The following SLC38A11 variants were observed in gnomAD, a reference collection of about 807,000 sequenced individuals.
SLC38A11 encodes the protein putative sodium-coupled neutral amino acid transporter 11.
A neutral mutation model predicts 49.4 loss-of-function variants in SLC38A11; 51 were observed. The ratio of observed to expected loss-of-function variants is 1.03; its 90% CI spans 0.83 to 1.30. The LOEUF (loss-of-function observed/expected upper bound fraction) is 1.30, where lower values mean the gene tolerates loss of function less well. Ranked by LOEUF, SLC38A11 falls within the 50% of genes most tolerant of loss-of-function variation. The pLI, the probability that SLC38A11 is intolerant of heterozygous loss-of-function variation, is 0.00. For synonymous variants in SLC38A11, 203 were observed against 192.9 expected, an observed-to-expected ratio of 1.05 and a Z score of -0.43; for missense variants, 574 against 556.2, an observed-to-expected ratio of 1.03 and a Z score of -0.32.
At chr2:164,903,732 C>T (rs1041326733) in intron 11 of SLC38A11, among the ~76,000 whole-genome samples, 2 of 152,046 alleles carry the variant, frequency 1.3e-5, no homozygotes, top group African/African-American at 4.8e-5. Context: ...AAAAAGACAA[C>T]AAAATATAGT....
intron 11 of SLC38A11, among the ~76,000 whole-genome samples, chr2:164,899,482 T>C (rs976136228): frequency 2.6e-5 from 4 of 152,136 alleles, no homozygotes; most frequent in East Asian, 1.9e-4. Context: ...GGAAGAGACT[T>C]TCCCCTTGAA....
rs200284770 is a variant in SLC38A11 at position 164,947,117 on chromosome 2, C to CTTTTTTTTTTT, written c.230-1401_230-1391dup. On this transcript the variant is annotated intron_variant, in intron 3 of 11. Transcript: ENST00000685975. ...CCTGGATTCTTGGACTTTTTTATCT[C>CTTTTTTTTTTT]TTTTTTTTTTTTTTTTTTTTTTTTT... Among the ~76,000 whole-genome samples the CTTTTTTTTTTT allele has an allele frequency of 1.9e-3, 139 of 72,880 alleles. 18 individuals are homozygous for CTTTTTTTTTTT. Among genetic ancestry groups the CTTTTTTTTTTT allele is most frequent in the Middle Eastern group, 0.011 (1 of 88 alleles). 47.8% of individuals were successfully genotyped at this position (72,880 alleles called of 152,430 possible).
intron 3 of SLC38A11, among the ~76,000 whole-genome samples, chr2:164,948,463 C>T (rs867255777): frequency 1.3e-5 from 2 of 152,154 alleles, no homozygotes; most frequent in Admixed American, 1.3e-4. Flanking sequence ...AAAAGTGAGG[C>T]ATGAAGGTTA....
At chr2:164,955,099 T>C in intron 1 of SLC38A11, 110 bp downstream of exon 1, 1 of 1,032,854 alleles carries the variant, frequency 9.7e-7, no homozygotes, top group Non-Finnish European at 1.4e-6. Context: ...AGAGAACTTT[T>C]CGCGGTGCTA....
intron 5 of SLC38A11, among the ~76,000 whole-genome samples, chr2:164,944,335 C>T (rs772835390): frequency 7.9e-5 from 12 of 151,992 alleles, no homozygotes; most frequent in Non-Finnish European, 1.8e-4. Context: ...ATAAAGTATT[C>T]TAAGTATTTA....
chr2:164,929,520 G>T (rs571807272), intron 7 of SLC38A11, among the ~76,000 whole-genome samples: 1 of 152,224 alleles, frequency 6.6e-6, no homozygotes, highest in Admixed American at 6.5e-5. Context: ...ACTTGAACTT[G>T]AATTGATGTA....
chr2:164,910,189 C>T (rs1685301301), intron 10 of SLC38A11, among the ~76,000 whole-genome samples: 1 of 152,006 alleles, frequency 6.6e-6, no homozygotes, highest in South Asian at 2.1e-4. Flanking sequence ...GCTATTGTGG[C>T]AGAGATCTTG....
intron 5 of SLC38A11, among the ~76,000 whole-genome samples, chr2:164,941,728 GTAAA>G (rs1300701135): frequency 6.6e-6 from 1 of 151,922 alleles, no homozygotes; most frequent in Admixed American, 6.6e-5. Flanking sequence ...TCAAGGAAAG[GTAAA>G]TTAATTATGG....
intron 5 of SLC38A11, among the ~76,000 whole-genome samples, chr2:164,942,560 C>T (rs934751242): frequency 7.9e-5 from 12 of 151,928 alleles, no homozygotes; most frequent in Non-Finnish European, 1.2e-4. Context: ...AAAAGATAAC[C>T]GCAGTTTATA....
At chr2:164,924,171 T>C (rs930387894) in intron 7 of SLC38A11, among the ~76,000 whole-genome samples, 7 of 152,180 alleles carry the variant, frequency 4.6e-5, no homozygotes, top group African/African-American at 1.7e-4. Flanking sequence ...TGCAGCTACA[T>C]GGATGCAGCT....
chr2:164,944,861 T>A (rs1484361658), intron 4 of SLC38A11, among the ~76,000 whole-genome samples: 1 of 152,206 alleles, frequency 6.6e-6, no homozygotes, highest in Non-Finnish European at 1.5e-5. Flanking sequence ...AGTTGATTCA[T>A]CTCAGAATAC....
rs772093263 is a variant in SLC38A11 at position 164,915,919 on chromosome 2, G to T, written c.672C>A (p.Val224=). The T allele has an allele frequency of 6.2e-7, 1 of 1,601,934 alleles. No homozygotes were observed. Among genetic ancestry groups the T allele is most frequent in the Non-Finnish European group, 8.5e-7 (1 of 1,171,108 alleles). ...AATACTCACCAAAAGACATAACCCC[G>T]ACCGCTTGAATGGCATTGGGCTTTG... ...VFAKPNAIQA[V]GVMSFAFICH... Residue 224 remains valine, a synonymous_variant, in exon 8 of 12, where the codon GTC becomes GTA. Coordinates refer to ENST00000685975, the MANE Select transcript of SLC38A11 (RefSeq NM_001351537.2).
At chr2:164,910,746 T>C (rs903557277) in intron 10 of SLC38A11, among the ~76,000 whole-genome samples, 5 of 152,112 alleles carry the variant, frequency 3.3e-5, no homozygotes, top group African/African-American at 9.7e-5. Flanking sequence ...ATAAACAGCC[T>C]CTAGGAACAG....
At chr2:164,934,181 G>C (rs568152900) in intron 7 of SLC38A11, among the ~76,000 whole-genome samples, 1 of 152,002 alleles carries the variant, frequency 6.6e-6, no homozygotes, top group South Asian at 2.1e-4. Flanking sequence ...ACTAAACTGC[G>C]AGCCCCTTAA....
chr2:164,895,501 G>A lies in SLC38A11; in HGVS notation c.*2936C>T. Among the ~76,000 whole-genome samples, 1 of 152,142 alleles carries A rather than the reference G, an allele frequency of 6.6e-6. No homozygotes were observed. Among genetic ancestry groups the A allele is most frequent in the Non-Finnish European group, 1.5e-5 (1 of 68,024 alleles). On this transcript the variant is annotated 3_prime_UTR_variant, in exon 12 of 12. Transcript: ENST00000685975. Reference sequence around the variant, plus strand: ...CAAGGCTATAGCAGATAAACCAGGAGGAGACCTGTTCTCTTCAATAAATGT... The same window carrying A: ...CAAGGCTATAGCAGATAAACCAGGAAGAGACCTGTTCTCTTCAATAAATGT...
At chr2:164,914,519 G>A (rs902063317) in intron 9 of SLC38A11, among the ~76,000 whole-genome samples, 1 of 151,832 alleles carries the variant, frequency 6.6e-6, no homozygotes, top group African/African-American at 2.4e-5. Flanking sequence ...CAAAAAGAAA[G>A]GTCTGGGTTA....
Position 164,955,385 on chromosome 2 carries a change from C to T in SLC38A11, c.-138G>A. 1.3e-6 allele frequency: 1 copy of T among 799,412 alleles called. No individual in the cohort carries two copies. Among genetic ancestry groups the T allele is most frequent in the Admixed American group, 2.3e-5 (1 of 43,712 alleles). The allele number at this position is 799,412 out of a possible 1,614,324, so 49.5% of individuals were successfully genotyped here. On this transcript the variant is annotated 5_prime_UTR_variant, in exon 1 of 12. Coordinates refer to ENST00000685975, the MANE Select transcript of SLC38A11 (RefSeq NM_001351537.2). Reference sequence around the variant, plus strand: ...AGCTGCAGGGAGCCAGTTCCACGGGCGCCCCCTGCTCCCTCGGCAGGCCGC... The same window carrying T: ...AGCTGCAGGGAGCCAGTTCCACGGGTGCCCCCTGCTCCCTCGGCAGGCCGC...
chr2:164,946,166 A>C (rs1688091172), intron 3 of SLC38A11, among the ~76,000 whole-genome samples: 1 of 152,236 alleles, frequency 6.6e-6, no homozygotes, highest in South Asian at 2.1e-4. Flanking sequence ...AGAAAACAAT[A>C]CATTTAGGAG....
chr2:164,912,219 A>G (rs942345327), intron 9 of SLC38A11: 5 of 152,244 alleles, frequency 3.3e-5, no homozygotes, highest in African/African-American at 1.2e-4. Flanking sequence ...GAATTCAATA[A>G]CTATGTAGTT....
Sources: gnomAD v4.1 joint callset for allele counts (sites outside exome capture counted in the v4.1 genomes callset) on GRCh38, gnomAD v4.1.1 for gene constraint, MANE v1.5 for transcripts, NCBI Gene and HGNC (gene_info 2026-07-23, HGNC 2026-07-21) for gene names.